FEM1C: variants seen among roughly 807,000 people sequenced by gnomAD.
FEM1C encodes protein fem-1 homolog C.
FEM1C carries 15 observed loss-of-function variants against 37.6 expected under a neutral mutation model. The observed-to-expected ratio is 0.40, with a 90% confidence interval of 0.27 to 0.61. FEM1C has a LOEUF of 0.61. Among genes scored for constraint, FEM1C ranks in the 20% least tolerant of loss-of-function variants. FEM1C has a pLI of 0.42. For synonymous variants in FEM1C, 287 were observed against 272.8 expected (o/e 1.05, Z -0.51); for missense variants, 532 against 749.7 (o/e 0.71, Z 3.39).
chr5:115,542,212 T>C (rs1189933753), intron 2 of FEM1C, among the ~76,000 whole-genome samples: 1 of 152,198 alleles, frequency 6.6e-6, no homozygotes, highest in Non-Finnish European at 1.5e-5. Context: ...CAACAAAAAT[T>C]ATACACAATC....
chr5:115,527,463 G>C (rs1753918086), intron 2 of FEM1C, among the ~76,000 whole-genome samples: 1 of 152,102 alleles, frequency 6.6e-6, no homozygotes, highest in Non-Finnish European at 1.5e-5. Flanking sequence ...TTTTAACAAT[G>C]AGTAAGCTAA....
intron 2 of FEM1C, among the ~76,000 whole-genome samples, chr5:115,527,030 T>G (rs1443158219): frequency 6.6e-6 from 1 of 152,014 alleles, no homozygotes; most frequent in African/African-American, 2.4e-5. Context: ...GTATTTACAT[T>G]ACTGGGGAAG....
chr5:115,527,426 T>G (rs1561556790), intron 2 of FEM1C, among the ~76,000 whole-genome samples: 1 of 152,172 alleles, frequency 6.6e-6, no homozygotes, highest in Non-Finnish European at 1.5e-5. Context: ...TTCAATGGTC[T>G]ACAATGAAAT....
rs1269837254 is a variant in FEM1C at position 115,522,346 on chromosome 5, A to C, written c.*1962T>G. ...TATTTCTAGAATATTGGTCTAAATC[A>C]TAAAGTATTCTTAATATATGTGACA... is the stretch of plus-strand genomic sequence containing the variant. On this transcript the variant is annotated 3_prime_UTR_variant, in exon 3 of 3. Transcript: ENST00000274457. The C allele has an allele frequency of 6.6e-6, 1 of 151,964 alleles. No individual in the cohort carries two copies. The highest frequency in any genetic ancestry group is 1.9e-4 in the East Asian group (1 of 5,196). 9.4% of individuals were successfully genotyped at this position (151,964 alleles called of 1,614,324 possible).
chr5:115,541,216 A>C (rs1187511208), intron 2 of FEM1C, among the ~76,000 whole-genome samples: 2 of 152,098 alleles, frequency 1.3e-5, no homozygotes, highest in Non-Finnish European at 2.9e-5. Flanking sequence ...TAAGCTAAAA[A>C]ACAGGTTATA....
chr5:115,536,957 C>G (rs1039236912), intron 2 of FEM1C, among the ~76,000 whole-genome samples: 1 of 151,926 alleles, frequency 6.6e-6, no homozygotes, highest in Non-Finnish European at 1.5e-5. Flanking sequence ...AGCACTGGAG[C>G]TAAGGGATGA....
chr5:115,530,903 G>GA (rs1218475505), intron 2 of FEM1C, among the ~76,000 whole-genome samples: 4 of 146,840 alleles, frequency 2.7e-5, no homozygotes, highest in East Asian at 2.0e-4. Context: ...GAAGTTACAA[G>GA]AAAAAACAGT....
In FEM1C at chr5:115,530,945, T is replaced by TA. The variant is rs533728603; in HGVS notation, c.545-5329dup. On this transcript the variant is annotated intron_variant, in intron 2 of 2. Coordinates refer to ENST00000274457, the MANE Select transcript of FEM1C (RefSeq NM_020177.3). ...AATTAGAGAAAGTAGAAGCAAACAG[T>TA]AAAAAAAAAAAATTAATGAAAAAAG... 5.4e-4 allele frequency among the ~76,000 whole-genome samples: 77 copies of TA among 143,168 alleles called. 1 individual carries two copies. The highest frequency in any genetic ancestry group is 5.3e-3 in the South Asian group (24 of 4,546). 93.9% of individuals were successfully genotyped at this position (143,168 alleles called of 152,430 possible). A position where few individuals can be genotyped will look rare whatever the true frequency, so the allele number is the denominator to read the frequency against.
At chr5:115,529,683 A>G (rs1753976333) in intron 2 of FEM1C, among the ~76,000 whole-genome samples, 1 of 152,056 alleles carries the variant, frequency 6.6e-6, no homozygotes, top group Non-Finnish European at 1.5e-5. Flanking sequence ...AAATACATAC[A>G]TAGAAATAAA....
intron 2 of FEM1C, among the ~76,000 whole-genome samples, chr5:115,528,169 C>T (rs1311343009): frequency 6.6e-6 from 1 of 151,882 alleles, no homozygotes; most frequent in East Asian, 1.9e-4. Flanking sequence ...CCAGTAATGG[C>T]AGAGATACCT....
chr5:115,524,295 TAC>T lies in FEM1C; in HGVS notation c.*11_*12del. On this transcript the variant is annotated 3_prime_UTR_variant, in exon 3 of 3. Transcript: ENST00000274457. The stretch of plus-strand genomic sequence containing the variant: ...AATTCGTGCTTTAACAGTGCTAAAA[TAC>T]AGTCAAGTTATCATCTATGAAGGGA... 1 of 1,609,170 alleles carries T rather than the reference TAC, an allele frequency of 6.2e-7. No homozygotes were observed. Among genetic ancestry groups the T allele is most frequent in the Non-Finnish European group, 8.5e-7 (1 of 1,176,214 alleles).
intron 2 of FEM1C, among the ~76,000 whole-genome samples, chr5:115,534,982 G>A (rs1196190754): frequency 6.6e-6 from 1 of 151,790 alleles, no homozygotes; most frequent in Non-Finnish European, 1.5e-5. Flanking sequence ...AAATTTAAAA[G>A]GAGGGCTAGG....
At chr5:115,540,209 T>C (rs1754211070) in intron 2 of FEM1C, among the ~76,000 whole-genome samples, 1 of 151,950 alleles carries the variant, frequency 6.6e-6, no homozygotes, top group Admixed American at 6.6e-5. Context: ...CATTAACCCA[T>C]AGAAAAAAAT....
rs1753868274 is a variant in FEM1C at position 115,525,340 on chromosome 5, G to T, written c.822C>A (p.Asn274Lys). The change falls in exon 3 of 3, where the codon AAC becomes AAA. Residue 274 changes from asparagine to lysine, a missense_variant. Transcript: ENST00000274457. ...TATTAGTCCTATCACTGTACCTCAT[G>T]TTCATTGCCTTTTTCCAGTATTTCA... ...GALKYWKKAM[N>K]MRYSDRTNII... 3 of 1,613,642 alleles carry T rather than the reference G, an allele frequency of 1.9e-6. No homozygotes were observed. In the East Asian group the frequency reaches 6.7e-5, roughly 36 times the overall value.
rs1754275618 is a variant in FEM1C at position 115,543,132 on chromosome 5, C to G, written c.362G>C (p.Arg121Pro). The G allele has an allele frequency of 6.2e-7, 1 of 1,614,178 alleles. No homozygotes were observed. Among genetic ancestry groups the G allele is most frequent in the Non-Finnish European group, 8.5e-7 (1 of 1,180,038 alleles). ...CAAATGGCCATCGAAACACGCAGCTCGAAGAGGAGTTGAATTGGTTAAAGT... is the reference window on the plus strand; with the variant it reads ...CAAATGGCCATCGAAACACGCAGCTGGAAGAGGAGTTGAATTGGTTAAAGT... Reference protein sequence around the residue: ...NTTLTNSTPLRAACFDGHLEI... With the variant: ...NTTLTNSTPLPAACFDGHLEI... Residue 121 changes from arginine to proline, a missense_variant, in exon 2 of 3, where the codon CGA becomes CCA. Coordinates refer to ENST00000274457, the MANE Select transcript of FEM1C (RefSeq NM_020177.3).
At chr5:115,527,734 A>G (rs1753924548) in intron 2 of FEM1C, among the ~76,000 whole-genome samples, 1 of 152,058 alleles carries the variant, frequency 6.6e-6, no homozygotes, top group Non-Finnish European at 1.5e-5. Context: ...CAGGCGCGGT[A>G]GCTCACGCCT....
chr5:115,528,373 T>C (rs1210024170), intron 2 of FEM1C, among the ~76,000 whole-genome samples: 1 of 152,092 alleles, frequency 6.6e-6, no homozygotes, highest in African/African-American at 2.4e-5. Flanking sequence ...GCTGAAACAC[T>C]GAGCAGAACT....
rs1475730309 is a variant in FEM1C, at chr5:115,521,620, T to C, written c.*2688A>G. 6.6e-6 allele frequency: 1 copy of C among 151,878 alleles called. No homozygotes were observed. Among genetic ancestry groups the C allele is most frequent in the African/African-American group, 2.4e-5 (1 of 41,404 alleles). The allele number at this position is 151,878 out of a possible 1,614,324, so 9.4% of individuals were successfully genotyped here. A position where few individuals can be genotyped will look rare whatever the true frequency, so the allele number is the denominator to read the frequency against. ...TTCAGGAGGCCCCAAAAGGGCATTT[T>C]CATAGAAATGTTAATAACTTACACA... On this transcript the variant is annotated 3_prime_UTR_variant, in exon 3 of 3. Transcript: ENST00000274457.
chr5:115,532,943 G>A (rs896324187), intron 2 of FEM1C, among the ~76,000 whole-genome samples: 1 of 152,004 alleles, frequency 6.6e-6, no homozygotes, highest in Non-Finnish European at 1.5e-5. Context: ...GGAGCATGAA[G>A]GACATTTTTG....
Sources: allele counts gnomAD v4.1 joint callset (sites outside exome capture counted in the v4.1 genomes callset), GRCh38; gene constraint gnomAD v4.1.1; transcripts MANE v1.5; gene names NCBI Gene and HGNC (gene_info 2026-07-23, HGNC 2026-07-21).